ADGRL3: variants seen among roughly 807,000 people sequenced by gnomAD.
ADGRL3 encodes calcium-independent alpha-latrotoxin receptor 3.
ADGRL3 carries 62 observed loss-of-function variants against 153.5 expected under a neutral mutation model. That is an observed-to-expected ratio of 0.40 (90% CI 0.33 to 0.50). ADGRL3 has a LOEUF of 0.50. ADGRL3 is among the 20% of genes least tolerant of loss of function. The probability of loss-of-function intolerance (pLI) is 0.47; values close to 1 mark genes in which losing one functional copy is unlikely to be tolerated. For synonymous variants in ADGRL3, 710 were observed against 672.5 expected, an observed-to-expected ratio of 1.06 and a Z score of -0.86; for missense variants, 1,641 against 1,859.4, an observed-to-expected ratio of 0.88 and a Z score of 2.16.
At chr4:61,470,352 G>T (rs1157462442) in intron 2 of ADGRL3, among the ~76,000 whole-genome samples, 1 of 151,804 alleles carries the variant, frequency 6.6e-6, no homozygotes, top group Non-Finnish European at 1.5e-5. Flanking sequence ...TAGCCTAATT[G>T]TCTGCAGGAG....
intron 1 of ADGRL3, among the ~76,000 whole-genome samples, chr4:61,320,647 G>A (rs2095336863): frequency 6.6e-6 from 1 of 152,054 alleles, no homozygotes; most frequent in Admixed American, 6.6e-5. Flanking sequence ...TTTACTTAAG[G>A]TCAACTGACT....
At chr4:61,763,470 A>C (rs2096937636) in intron 8 of ADGRL3, among the ~76,000 whole-genome samples, 1 of 151,994 alleles carries the variant, frequency 6.6e-6, no homozygotes, top group Non-Finnish European at 1.5e-5. Flanking sequence ...TTTTTCAGAG[A>C]AAACTAGGAA....
chr4:61,773,364 C>A (rs1446775193), intron 8 of ADGRL3, among the ~76,000 whole-genome samples: 1 of 152,096 alleles, frequency 6.6e-6, no homozygotes, highest in Non-Finnish European at 1.5e-5. Context: ...TTTTCTTTTT[C>A]CTAGTACTAT....
intron 4 of ADGRL3, among the ~76,000 whole-genome samples, chr4:61,539,829 A>C (rs1005923956): frequency 6.6e-6 from 1 of 152,114 alleles, no homozygotes; most frequent in Non-Finnish European, 1.5e-5. Flanking sequence ...CCCTTCCCAC[A>C]GGGCTCCAAG....
At chr4:61,362,502 GGA>G (rs1048682520) in intron 1 of ADGRL3, among the ~76,000 whole-genome samples, 7 of 151,868 alleles carry the variant, frequency 4.6e-5, no homozygotes, top group African/African-American at 1.7e-4. Flanking sequence ...ATTGTTGATT[GGA>G]AGTCTTACCA....
intron 3 of ADGRL3, among the ~76,000 whole-genome samples, chr4:61,504,746 A>T (rs1477681466): frequency 6.6e-6 from 1 of 152,128 alleles, no homozygotes; most frequent in Admixed American, 6.6e-5. Flanking sequence ...TATATTACTG[A>T]TAACATGCAA....
rs904072844 is a variant in ADGRL3 at position 62,070,894 on chromosome 4, G to A, written c.4618G>A (p.Val1540Ile). 1 of 1,548,670 alleles carries A rather than the reference G, an allele frequency of 6.5e-7. No individual in the cohort carries two copies. The highest frequency in any genetic ancestry group is 8.7e-7 in the Non-Finnish European group (1 of 1,145,434). ...AAGTTCAAAAGGACCGGCTCATTTG[G>A]TCACTAGTCTATAGAAGATGACACA... ...EGSSKGPAHLVTSL is the reference protein window; with the variant it reads ...EGSSKGPAHLITSL Residue 1540 changes from valine to isoleucine, a missense_variant, in exon 27 of 27, where the codon GTC becomes ATC. Val to Ile is a conservative substitution (Grantham distance 29, BLOSUM62 3). Around this residue, in one of 5 missense-constraint regions of ADGRL3, gnomAD observed 517 missense variants for 555.0 expected, o/e 0.93. Transcript: ENST00000683033.
chr4:61,746,668 A>G (rs1407929401), intron 8 of ADGRL3, among the ~76,000 whole-genome samples: 1 of 152,254 alleles, frequency 6.6e-6, no homozygotes, highest in Non-Finnish European at 1.5e-5. Context: ...ACAAGAACAA[A>G]GAAACAACAT....
intron 1 of ADGRL3, among the ~76,000 whole-genome samples, chr4:61,321,943 T>G (rs1442389623): frequency 6.6e-6 from 1 of 152,056 alleles, no homozygotes; most frequent in South Asian, 2.1e-4. Context: ...TTAAAAAAAT[T>G]TTCTGCAACC....
chr4:61,936,089 C>T (rs1245190957), intron 15 of ADGRL3, 44 bp downstream of exon 15: 1 of 1,599,970 alleles, frequency 6.3e-7, no homozygotes, highest in East Asian at 2.2e-5. Flanking sequence ...ATTGAACTTG[C>T]ATCAGTTCAT....
chr4:61,997,530 A>ATTGTACTAT (rs34022379), intron 20 of ADGRL3, among the ~76,000 whole-genome samples: 1 of 151,806 alleles, frequency 6.6e-6, no homozygotes, highest in Non-Finnish European at 1.5e-5. Context: ...GCAACTCACT[A>ATTGTACTAT]TGTGGTTTTT....
rs183638732 is a variant in ADGRL3 at position 61,435,505 on chromosome 4, C to T, written c.-174+52316C>T. 1.6e-4 allele frequency among the ~76,000 whole-genome samples: 24 copies of T among 152,076 alleles called. No individual in the cohort carries two copies. In the East Asian group the frequency reaches 3.1e-3, roughly 20 times the overall value. ...TGATGAATGCATGTGGGCCCATTAC[C>T]GGTGTGAAAATGGAAAGGTTGGTTC... On this transcript the variant is annotated intron_variant, in intron 2 of 26. Transcript: ENST00000683033.
chr4:61,533,097 C>G (rs924832485), intron 4 of ADGRL3, among the ~76,000 whole-genome samples: 2 of 152,112 alleles, frequency 1.3e-5, no homozygotes, highest in African/African-American at 2.4e-5. Flanking sequence ...AAAGAATAAG[C>G]AAATTGACAG....
intron 4 of ADGRL3, among the ~76,000 whole-genome samples, chr4:61,535,120 A>G (rs2098647273): frequency 6.6e-6 from 1 of 151,712 alleles, no homozygotes; most frequent in South Asian, 2.1e-4. Flanking sequence ...TTTTATGCCT[A>G]GTTTGTTGAG....
chr4:61,393,221 T>C (rs189099471), intron 2 of ADGRL3, among the ~76,000 whole-genome samples: 21 of 152,250 alleles, frequency 1.4e-4, no homozygotes, highest in Admixed American at 1.3e-3. Flanking sequence ...TCTTGGGTCA[T>C]TGAGAAGAAA....
chr4:61,435,335 T>TAA (rs1331048166), intron 2 of ADGRL3, among the ~76,000 whole-genome samples: 5 of 152,054 alleles, frequency 3.3e-5, no homozygotes, highest in Admixed American at 1.3e-4. Context: ...ATCATTACTA[T>TAA]AAATAAATGA....
chr4:61,208,876 G>A lies in ADGRL3; in HGVS notation c.-240+7111G>A, dbSNP rs1374958877. Among the ~76,000 whole-genome samples the A allele has an allele frequency of 2.6e-5, 4 of 152,038 alleles. No individual in the cohort carries two copies. The East Asian group carries it at 5.8e-4, about 22-fold the overall frequency. Reference sequence around the variant, plus strand: ...TAAGCACCACAACAAGCCATTTTCAGTGCAAAGGATCCTTGGGGTAATTAT... The same window carrying A: ...TAAGCACCACAACAAGCCATTTTCAATGCAAAGGATCCTTGGGGTAATTAT... On this transcript the variant is annotated intron_variant, in intron 1 of 26. Coordinates refer to ENST00000683033, the MANE Select transcript of ADGRL3 (RefSeq NM_001387552.1).
At chr4:61,540,961 A>G (rs927201311) in intron 4 of ADGRL3, among the ~76,000 whole-genome samples, 15 of 152,160 alleles carry the variant, frequency 9.9e-5, no homozygotes, top group African/African-American at 3.4e-4. Context: ...GAAAAAAAAA[A>G]TAGCTGTATA....
intron 6 of ADGRL3, among the ~76,000 whole-genome samples, chr4:61,717,797 G>T (rs1003253420): frequency 6.6e-6 from 1 of 152,078 alleles, no homozygotes; most frequent in Non-Finnish European, 1.5e-5. Flanking sequence ...ACTTTGGGAG[G>T]CCGAGGCACG....
Sources: allele counts gnomAD v4.1 joint callset (sites outside exome capture counted in the v4.1 genomes callset), GRCh38; gene constraint gnomAD v4.1.1; regional missense constraint gnomAD v4.1.1; transcripts MANE v1.5; gene names NCBI Gene and HGNC (gene_info 2026-07-23, HGNC 2026-07-21).